The following TULP4 variants were observed in gnomAD, a reference collection of about 807,000 sequenced individuals.
TULP4 encodes tubby-related protein 4.
A neutral mutation model predicts 129.0 loss-of-function variants in TULP4; 16 were observed. That is an observed-to-expected ratio of 0.12 (90% CI 0.08 to 0.19). The LOEUF is 0.19. Ranked by LOEUF, TULP4 falls within the 10% of genes least tolerant of loss-of-function variation. The probability of loss-of-function intolerance (pLI) is 1.00; values close to 1 mark genes in which losing one functional copy is unlikely to be tolerated. For synonymous variants in TULP4, 998 were observed against 854.0 expected (o/e 1.17, Z -2.94); for missense variants, 1,842 against 2,059.1 (o/e 0.89, Z 2.04).
rs187636081 is a variant in TULP4 at position 158,363,734 on chromosome 6, C to T, written c.253-49331C>T. 1.6e-4 allele frequency among the ~76,000 whole-genome samples: 24 copies of T among 152,288 alleles called. No homozygotes were observed. The East Asian group carries it at 1.9e-3, about 12-fold the overall frequency. On this transcript the variant is annotated intron_variant, in intron 1 of 13. Transcript: ENST00000367097. ...CTCCTGACCTCAGGTGATCCACCCCCCCGGCCTCCCAAAGTGCTGGGATTA... is the reference window on the plus strand; with the variant it reads ...CTCCTGACCTCAGGTGATCCACCCCTCCGGCCTCCCAAAGTGCTGGGATTA...
At chr6:158,233,582 GGTT>G (rs926658800) in intron 1 of TULP4, among the ~76,000 whole-genome samples, 1 of 152,218 alleles carries the variant, frequency 6.6e-6, no homozygotes, top group Non-Finnish European at 1.5e-5. Flanking sequence ...TGGGGTGTGA[GGTT>G]GTGATGGATG....
At chr6:158,372,180 T>TTTTTTTAAA (rs1458196779) in intron 1 of TULP4, among the ~76,000 whole-genome samples, 1 of 146,478 alleles carries the variant, frequency 6.8e-6, no homozygotes, top group Non-Finnish European at 1.5e-5. Context: ...TTTTTTTTTT[T>TTTTTTTAAA]AAAGAAAAAG....
chr6:158,504,179 G>A lies in TULP4; in HGVS notation c.4515+1G>A. On this transcript the variant is annotated splice_donor_variant, in intron 13 of 13. Transcript: ENST00000367097. LOFTEE classifies it high-confidence loss of function. ...CCAGATTGAGTTAGAGGGGCGGCAGGTAAGACCTCAGACCAGGTGGCGCTG... is the reference window on the plus strand; with the variant it reads ...CCAGATTGAGTTAGAGGGGCGGCAGATAAGACCTCAGACCAGGTGGCGCTG... 1 of 1,575,780 alleles carries A rather than the reference G, an allele frequency of 6.3e-7. No homozygotes were observed. Among genetic ancestry groups the A allele is most frequent in the Non-Finnish European group, 8.6e-7 (1 of 1,158,504 alleles).
intron 1 of TULP4, among the ~76,000 whole-genome samples, chr6:158,307,148 T>C (rs1779228917): frequency 6.6e-6 from 1 of 151,894 alleles, no homozygotes; most frequent in Non-Finnish European, 1.5e-5. Flanking sequence ...ATAATAAGAG[T>C]GTATTGTTTT....
intron 5 of TULP4, among the ~76,000 whole-genome samples, chr6:158,460,542 A>G (rs150024876): frequency 0.013 from 1,998 of 152,318 alleles, 20 homozygotes; most frequent in Non-Finnish European, 0.021. Flanking sequence ...TTGGGATAAG[A>G]TAAACCTTTT....
intron 6 of TULP4, among the ~76,000 whole-genome samples, chr6:158,471,873 G>T (rs1412157958): frequency 6.6e-6 from 1 of 152,158 alleles, no homozygotes; most frequent in Non-Finnish European, 1.5e-5. Context: ...GAACCTGTAG[G>T]CTGTGTCACA....
Position 158,502,839 on chromosome 6 carries a change from C to T in TULP4, c.3176C>T (p.Ala1059Val). ...PGASLAHTAS[A>V]SPLASQSSYS... is the part of the protein sequence containing the mutation. ...GCCTCCCTGGCCCATACCGCCAGCG[C>T]CTCCCCGTTGGCCTCCCAGTCCTCC... Residue 1059 changes from alanine (A) to valine (V), a missense_variant, in exon 13 of 14, where the codon GCC becomes GTC. By Grantham distance (64) the Ala-to-Val change is moderately conservative. Around this residue, in one of 5 missense-constraint regions of TULP4, gnomAD observed 1,089 missense variants for 987.1 expected, o/e 1.10. Coordinates refer to ENST00000367097, the MANE Select transcript of TULP4 (RefSeq NM_020245.5). The T allele has an allele frequency of 1.2e-6, 2 of 1,613,414 alleles. No individual in the cohort carries two copies. Among genetic ancestry groups the T allele is most frequent in the East Asian group, 2.2e-5 (1 of 44,862 alleles).
intron 2 of TULP4, among the ~76,000 whole-genome samples, chr6:158,426,034 A>G (rs1778482711): frequency 6.6e-6 from 1 of 152,160 alleles, no homozygotes; most frequent in Admixed American, 6.5e-5. Context: ...CTTCTTTTGA[A>G]AAGTGTCAGT....
At chr6:158,297,496 G>A (rs1250086385) in intron 1 of TULP4, among the ~76,000 whole-genome samples, 1 of 152,176 alleles carries the variant, frequency 6.6e-6, no homozygotes, top group African/African-American at 2.4e-5. Flanking sequence ...AAGTAAGACA[G>A]GCATAAGAAA....
chr6:158,495,376 C>G (rs1780313050), intron 11 of TULP4, among the ~76,000 whole-genome samples: 1 of 152,098 alleles, frequency 6.6e-6, no homozygotes, highest in African/African-American at 2.4e-5. Flanking sequence ...TCATTTTTTG[C>G]TATAAGCCCT....
intron 1 of TULP4, among the ~76,000 whole-genome samples, chr6:158,268,792 A>G (rs184898833): frequency 5.9e-5 from 9 of 152,278 alleles, no homozygotes; most frequent in African/African-American, 2.2e-4. Context: ...CTCTATTTTT[A>G]TATGACTTTT....
At chr6:158,417,545 G>A (rs1778237675) in intron 2 of TULP4, among the ~76,000 whole-genome samples, 1 of 152,142 alleles carries the variant, frequency 6.6e-6, no homozygotes. Context: ...TGGCATTCTG[G>A]GGGAGGCTTG....
At chr6:158,395,354 G>T (rs1169911451) in intron 1 of TULP4, among the ~76,000 whole-genome samples, 1 of 152,100 alleles carries the variant, frequency 6.6e-6, no homozygotes, top group Non-Finnish European at 1.5e-5. Flanking sequence ...GCTGAGGCAG[G>T]CGGATCACCT....
chr6:158,484,351 G>A (rs144905882), intron 8 of TULP4, among the ~76,000 whole-genome samples: 153 of 151,606 alleles, frequency 1.0e-3, no homozygotes, highest in African/African-American at 3.5e-3. Context: ...GGGTCTCACC[G>A]TGTTTCCCAG....
chr6:158,506,300 C>G (rs1780600133), intron 13 of TULP4, among the ~76,000 whole-genome samples: 1 of 131,204 alleles, frequency 7.6e-6, no homozygotes, highest in South Asian at 2.7e-4. Context: ...GGCCCAATCT[C>G]AGCTCACTGC....
At chr6:158,301,394 CA>C (rs1378886418) in intron 1 of TULP4, among the ~76,000 whole-genome samples, 2 of 50,852 alleles carry the variant, frequency 3.9e-5, no homozygotes, top group Non-Finnish European at 9.4e-5. Context: ...TAAAATCAAA[CA>C]GTTTTTTTTT....
chr6:158,499,231 C>T (rs1483423342), intron 12 of TULP4, among the ~76,000 whole-genome samples: 2 of 152,160 alleles, frequency 1.3e-5, no homozygotes, highest in Non-Finnish European at 2.9e-5. Context: ...GAGATAGTGT[C>T]TCACTCCAGC....
intron 5 of TULP4, among the ~76,000 whole-genome samples, chr6:158,458,861 G>C (rs1779353612): frequency 6.6e-6 from 1 of 152,144 alleles, no homozygotes; most frequent in Admixed American, 6.5e-5. Flanking sequence ...ACAATTCAGG[G>C]TTATTCTTTC....
At chr6:158,298,733 G>A (rs1466594373) in intron 1 of TULP4, among the ~76,000 whole-genome samples, 1 of 152,152 alleles carries the variant, frequency 6.6e-6, no homozygotes, top group African/African-American at 2.4e-5. Flanking sequence ...ACACAACTCT[G>A]TATAGGAGTA....
Sources: gnomAD v4.1 joint callset for allele counts (sites outside exome capture counted in the v4.1 genomes callset) on GRCh38, gnomAD v4.1.1 for gene constraint, gnomAD v4.1.1 regional missense constraint, MANE v1.5 for transcripts, NCBI Gene and HGNC (gene_info 2026-07-23, HGNC 2026-07-21) for gene names.